FILIP1: variants seen among roughly 807,000 people sequenced by gnomAD.
FILIP1 encodes the protein filamin A interacting protein 1.
A neutral mutation model predicts 102.1 loss-of-function variants in FILIP1; 61 were observed. The observed-to-expected ratio is 0.60, with a 90% confidence interval of 0.49 to 0.74. The LOEUF is 0.74. Among genes scored for constraint, FILIP1 ranks in the 30% least tolerant of loss-of-function variants. The probability of loss-of-function intolerance (pLI) is 0.00; values close to 1 mark genes in which losing one functional copy is unlikely to be tolerated. For missense variants in FILIP1, 1,314 were observed against 1,441.2 expected, an observed-to-expected ratio of 0.91 and a Z score of 1.43; for synonymous variants, 491 against 526.9, an observed-to-expected ratio of 0.93 and a Z score of 0.93.
chr6:75,306,437 G>C (rs924324628), downstream of FILIP1, among the ~76,000 whole-genome samples: 1 of 152,228 alleles, frequency 6.6e-6, no homozygotes, highest in Non-Finnish European at 1.5e-5. Context: ...CAAAAGGAAT[G>C]CGGTGTTTGG....
At chr6:75,430,065 T>C (rs1777775442) in intron 1 of FILIP1, among the ~76,000 whole-genome samples, 1 of 151,970 alleles carries the variant, frequency 6.6e-6, no homozygotes, top group South Asian at 2.1e-4. Context: ...TGGTGGGAGG[T>C]GATTGGATCA....
In FILIP1 at chr6:75,473,396, T is replaced by C. The variant is rs552303774; in HGVS notation, c.-7+20018A>G. ...GGTTCTGAGTATTAGATGATACTGA[T>C]GTATCAATGTTAACTTCCTAACCTT... On this transcript the variant is annotated intron_variant, in intron 1 of 5. Coordinates refer to ENST00000237172, the MANE Select transcript of FILIP1 (RefSeq NM_015687.5). Among the ~76,000 whole-genome samples, 6 of 152,326 alleles carry C rather than the reference T, an allele frequency of 3.9e-5. No homozygotes were observed. The South Asian group carries it at 1.2e-3, about 32-fold the overall frequency.
At chr6:75,298,400 C>T (rs1772744476) in intron 6 of FILIP1, among the ~76,000 whole-genome samples, 1 of 152,124 alleles carries the variant, frequency 6.6e-6, no homozygotes, top group Non-Finnish European at 1.5e-5. Flanking sequence ...TAAAAGAATA[C>T]AATTAAGCCC....
intron 2 of FILIP1, among the ~76,000 whole-genome samples, chr6:75,372,707 AAGAAAGGAAAGAAAG>A (rs1582409563): frequency 4.4e-5 from 2 of 45,346 alleles, no homozygotes; most frequent in Non-Finnish European, 8.2e-5. Context: ...GAAAGAAAGA[AAGAAAGGAAAGAAAG>A]AGAAAGAGAA....
chr6:75,451,118 T>C (rs922478373), intron 1 of FILIP1, among the ~76,000 whole-genome samples: 1 of 151,894 alleles, frequency 6.6e-6, no homozygotes, highest in Admixed American at 6.6e-5. Flanking sequence ...AAGCAAGCCA[T>C]TGACTTGCCA....
At chr6:75,402,713 C>A (rs902710833) in intron 2 of FILIP1, among the ~76,000 whole-genome samples, 1 of 152,044 alleles carries the variant, frequency 6.6e-6, no homozygotes, top group African/African-American at 2.4e-5. Flanking sequence ...ATCACCATTC[C>A]CAATGGAGTT....
chr6:75,439,216 A>G (rs1778122159), intron 1 of FILIP1, among the ~76,000 whole-genome samples: 1 of 152,180 alleles, frequency 6.6e-6, no homozygotes, highest in Admixed American at 6.5e-5. Context: ...AATACAAAAA[A>G]TTAGCCACGT....
At chr6:75,485,994 C>CAT (rs71002740) in intron 1 of FILIP1, among the ~76,000 whole-genome samples, 1,700 of 144,404 alleles carry the variant, frequency 0.012, 11 homozygotes, top group African/African-American at 0.013. Flanking sequence ...CACACACACA[C>CAT]ACATACACAC....
chr6:75,430,641 A>G (rs1391556426), intron 1 of FILIP1, among the ~76,000 whole-genome samples: 1 of 152,232 alleles, frequency 6.6e-6, no homozygotes, highest in African/African-American at 2.4e-5. Context: ...AAAGCTTGGG[A>G]CATGCTTTAG....
chr6:75,424,506 T>C (rs1388912642), intron 1 of FILIP1, among the ~76,000 whole-genome samples: 2 of 152,166 alleles, frequency 1.3e-5, no homozygotes, highest in East Asian at 3.8e-4. Flanking sequence ...ACTTCTTGGA[T>C]TGGAAAAGTC....
chr6:75,309,794 T>C (rs1303288868), intron 5 of FILIP1, among the ~76,000 whole-genome samples: 3 of 152,208 alleles, frequency 2.0e-5, no homozygotes, highest in Admixed American at 1.3e-4. Flanking sequence ...CAATTTGTCA[T>C]GAAATCGTTA....
chr6:75,322,827 G>A (rs778512323), intron 4 of FILIP1, among the ~76,000 whole-genome samples: 2 of 152,004 alleles, frequency 1.3e-5, no homozygotes, highest in Admixed American at 6.5e-5. Flanking sequence ...CTGAGTAGCT[G>A]GGACTACAGG....
intron 6 of FILIP1, among the ~76,000 whole-genome samples, chr6:75,300,355 C>G (rs939268329): frequency 1.3e-5 from 2 of 152,164 alleles, no homozygotes; most frequent in African/African-American, 4.8e-5. Flanking sequence ...TTCCCATGTT[C>G]TATGGCTCCC....
intron 2 of FILIP1, among the ~76,000 whole-genome samples, chr6:75,413,163 T>C (rs886553885): frequency 1.3e-5 from 2 of 152,000 alleles, no homozygotes; most frequent in Non-Finnish European, 2.9e-5. Flanking sequence ...GAAATTAGAG[T>C]TTGCAAGAGC....
At chr6:75,339,974 T>A (rs987741235) in intron 4 of FILIP1, among the ~76,000 whole-genome samples, 1 of 151,774 alleles carries the variant, frequency 6.6e-6, no homozygotes, top group Non-Finnish European at 1.5e-5. Flanking sequence ...ATATATATAA[T>A]ATAAAGTGTG....
chr6:75,296,373 GTGTGTGTGT>G (rs1562414741), intron 6 of FILIP1: 2 of 151,426 alleles, frequency 1.3e-5, no homozygotes, highest in African/African-American at 4.9e-5. Flanking sequence ...GTGTGTGTGT[GTGTGTGTGT>G]GGATTAGAGT....
chr6:75,305,268 C>T (rs1772952913), downstream of FILIP1, among the ~76,000 whole-genome samples: 1 of 152,164 alleles, frequency 6.6e-6, no homozygotes, highest in South Asian at 2.1e-4. Flanking sequence ...TATCTATAAC[C>T]CCATGTTTTT....
chr6:75,483,588 A>T (rs1287092404), intron 1 of FILIP1, among the ~76,000 whole-genome samples: 1 of 152,212 alleles, frequency 6.6e-6, no homozygotes, highest in Non-Finnish European at 1.5e-5. Flanking sequence ...AGAGCATCAT[A>T]ACAAAATCTT....
At chr6:75,394,048 C>T (rs969436393) in intron 2 of FILIP1, among the ~76,000 whole-genome samples, 1 of 152,172 alleles carries the variant, frequency 6.6e-6, no homozygotes, top group Non-Finnish European at 1.5e-5. Context: ...CACTAGTCAT[C>T]TTATGTCTTC....
Sources: gnomAD v4.1 joint callset for allele counts (sites outside exome capture counted in the v4.1 genomes callset) on GRCh38, gnomAD v4.1.1 for gene constraint, MANE v1.5 for transcripts, NCBI Gene and HGNC (gene_info 2026-07-23, HGNC 2026-07-21) for gene names.